KCNB2: variants seen among roughly 807,000 people sequenced by gnomAD.
The protein encoded by KCNB2 is delayed rectifier potassium channel protein.
In KCNB2, 15 loss-of-function variants were observed where a neutral mutation model predicts 61.5. The ratio of observed to expected loss-of-function variants is 0.24; its 90% CI spans 0.16 to 0.38. The LOEUF (loss-of-function observed/expected upper bound fraction) is 0.38, where lower values mean the gene tolerates loss of function less well. Ranked by LOEUF, KCNB2 falls within the 10% of genes least tolerant of loss-of-function variation. The pLI is 1.00. For missense variants in KCNB2, 828 were observed against 1,125.2 expected (o/e 0.74, Z 3.78); for synonymous variants, 457 against 446.0 (o/e 1.02, Z -0.31).
intron 2 of KCNB2, among the ~76,000 whole-genome samples, chr8:72,835,336 T>C (rs1338429075): frequency 6.6e-6 from 1 of 152,184 alleles, no homozygotes; most frequent in Non-Finnish European, 1.5e-5. Flanking sequence ...ATATGGTCAC[T>C]TTGCCTTATC....
chr8:72,665,114 C>A (rs964817529), intron 2 of KCNB2, among the ~76,000 whole-genome samples: 1 of 152,198 alleles, frequency 6.6e-6, no homozygotes, highest in Non-Finnish European at 1.5e-5. Flanking sequence ...TTGACTGGGG[C>A]TGTGTGCTTG....
chr8:72,627,133 C>T (rs540380064), intron 2 of KCNB2, among the ~76,000 whole-genome samples: 2 of 152,256 alleles, frequency 1.3e-5, no homozygotes, highest in African/African-American at 4.8e-5. Flanking sequence ...GAAATTATTC[C>T]TAGTCATTTA....
At chr8:72,635,890 A>T (rs369036498) in intron 2 of KCNB2, among the ~76,000 whole-genome samples, 105 of 152,254 alleles carry the variant, frequency 6.9e-4, no homozygotes, top group African/African-American at 2.4e-3. Context: ...GATTTCTGAT[A>T]CCTGCCCTAC....
intron 2 of KCNB2, among the ~76,000 whole-genome samples, chr8:72,690,507 C>T (rs1300058987): frequency 1.3e-5 from 2 of 152,190 alleles, no homozygotes; most frequent in African/African-American, 4.8e-5. Flanking sequence ...AATACACATG[C>T]GTGCATCTCT....
intron 2 of KCNB2, among the ~76,000 whole-genome samples, chr8:72,648,572 C>CT (rs36081843): frequency 0.66 from 94,338 of 143,944 alleles, 32,833 homozygotes; most frequent in Non-Finnish European, 0.79. Flanking sequence ...CCACACCTGG[C>CT]TTTTTTTTTT....
At chr8:72,693,808 T>C (rs2128990358) in intron 2 of KCNB2, among the ~76,000 whole-genome samples, 1 of 152,308 alleles carries the variant, frequency 6.6e-6, no homozygotes, top group South Asian at 2.1e-4. Flanking sequence ...CTTGTCTCTG[T>C]CATTCCCTGC....
intron 2 of KCNB2, among the ~76,000 whole-genome samples, chr8:72,785,289 A>G (rs1241447701): frequency 6.6e-6 from 1 of 152,190 alleles, no homozygotes; most frequent in Non-Finnish European, 1.5e-5. Flanking sequence ...TCCTAACAAA[A>G]TATGAGAGAA....
chr8:72,626,303 T>C (rs1805789170), intron 2 of KCNB2, among the ~76,000 whole-genome samples: 1 of 152,176 alleles, frequency 6.6e-6, no homozygotes, highest in Non-Finnish European at 1.5e-5. Flanking sequence ...TGCCAGTCAC[T>C]TGGGGGACCA....
At chr8:72,714,336 G>A (rs1019419602) in intron 2 of KCNB2, among the ~76,000 whole-genome samples, 3 of 151,900 alleles carry the variant, frequency 2.0e-5, no homozygotes, top group African/African-American at 7.3e-5. Context: ...CTCGAGAAGA[G>A]CAACTCCAAG....
chr8:72,602,725 T>G (rs1047691312), intron 2 of KCNB2, among the ~76,000 whole-genome samples: 3 of 152,160 alleles, frequency 2.0e-5, no homozygotes, highest in Non-Finnish European at 4.4e-5. Flanking sequence ...GTCGGCTGGT[T>G]GAATTCAGCT....
Position 72,936,841 on chromosome 8 carries a change from A to G in KCNB2, c.1486A>G (p.Arg496Gly), listed in dbSNP as rs1418885389. The change falls in exon 3 of 3, where the codon AGG becomes GGG. Residue 496 changes from arginine to glycine, a missense_variant. Around this residue, in one of 4 missense-constraint regions of KCNB2, gnomAD observed 559 missense variants for 588.4 expected, o/e 0.95. Transcript: ENST00000523207. The surrounding 1 kb of genome is among the most constrained non-coding windows in gnomAD (Gnocchi z 5.6). ...GTCGCCAAGCCGGTGGAAGTGGGCC[A>G]GGAAGGCTCTGTCGGAAACAAGCTC... ...HLSPSRWKWA[R>G]KALSETSSNK... 3.1e-6 allele frequency: 5 copies of G among 1,614,068 alleles called. No homozygotes were observed. Among genetic ancestry groups the G allele is most frequent in the Non-Finnish European group, 3.4e-6 (4 of 1,180,028 alleles).
At chr8:72,607,306 G>A (rs999540099) in intron 2 of KCNB2, among the ~76,000 whole-genome samples, 1 of 152,048 alleles carries the variant, frequency 6.6e-6, no homozygotes, top group African/African-American at 2.4e-5. Context: ...AAGGAAGGAA[G>A]GTGGGCTTCC....
At chr8:72,665,489 A>G (rs1016308229) in intron 2 of KCNB2, among the ~76,000 whole-genome samples, 1 of 151,850 alleles carries the variant, frequency 6.6e-6, no homozygotes, top group African/African-American at 2.4e-5. Flanking sequence ...GAACATCCAT[A>G]TATATATATA....
At chr8:72,676,101 A>T (rs555527408) in intron 2 of KCNB2, among the ~76,000 whole-genome samples, 2 of 152,252 alleles carry the variant, frequency 1.3e-5, no homozygotes, top group African/African-American at 4.8e-5. Flanking sequence ...TATCTCCTCT[A>T]CCTCCCAAAC....
At chr8:72,836,784 A>G (rs150230780) in intron 2 of KCNB2, among the ~76,000 whole-genome samples, 1 of 152,172 alleles carries the variant, frequency 6.6e-6, no homozygotes, top group African/African-American at 2.4e-5. Flanking sequence ...GGTGGCACAT[A>G]CCTGTAGTCC....
At chr8:72,610,456 G>A (rs939815377) in intron 2 of KCNB2, among the ~76,000 whole-genome samples, 9 of 152,026 alleles carry the variant, frequency 5.9e-5, no homozygotes, top group African/African-American at 1.7e-4. Flanking sequence ...TAAAGCCTAG[G>A]TATGCAATTT....
intron 2 of KCNB2, among the ~76,000 whole-genome samples, chr8:72,710,630 C>T (rs965260529): frequency 6.6e-6 from 1 of 152,164 alleles, no homozygotes; most frequent in East Asian, 1.9e-4. Flanking sequence ...GGCCTGGCTA[C>T]AGTATCCCGG....
chr8:72,781,124 C>T (rs897921452), intron 2 of KCNB2, among the ~76,000 whole-genome samples: 1 of 152,054 alleles, frequency 6.6e-6, no homozygotes, highest in Non-Finnish European at 1.5e-5. Flanking sequence ...AGACCTTTGT[C>T]AGATGGATAG....
intron 1 of KCNB2, among the ~76,000 whole-genome samples, chr8:72,553,249 G>C (rs550039409): frequency 1.3e-5 from 2 of 152,064 alleles, no homozygotes; most frequent in East Asian, 3.9e-4. Flanking sequence ...GTTTTTCCCA[G>C]TTTTCACCTA....
Sources: allele counts gnomAD v4.1 joint callset (sites outside exome capture counted in the v4.1 genomes callset), GRCh38; gene constraint gnomAD v4.1.1; regional missense constraint gnomAD v4.1.1; non-coding constraint Gnocchi (gnomAD v3.1); transcripts MANE v1.5; gene names NCBI Gene and HGNC (gene_info 2026-07-23, HGNC 2026-07-21).